Variants in CDH20 observed in about 807,000 individuals in gnomAD.
CDH20 encodes the protein cadherin-20.
CDH20 carries 29 observed loss-of-function variants against 74.2 expected under a neutral mutation model. That is an observed-to-expected ratio of 0.39 (90% CI 0.29 to 0.53). The LOEUF (loss-of-function observed/expected upper bound fraction) is 0.53. Ranked by LOEUF, CDH20 falls within the 20% of genes least tolerant of loss-of-function variation. The pLI, the probability that CDH20 is intolerant of heterozygous loss-of-function variation, is 0.69. For synonymous variants in CDH20, 469 were observed against 405.4 expected (o/e 1.16, Z -1.88); for missense variants, 988 against 1,048.3 (o/e 0.94, Z 0.79).
At chr18:61,465,804 GA>G (rs1909941425) in intron 1 of CDH20, among the ~76,000 whole-genome samples, 1 of 151,946 alleles carries the variant, frequency 6.6e-6, no homozygotes, top group Non-Finnish European at 1.5e-5. Flanking sequence ...GACCCACCAA[GA>G]TATGGAATCT....
chr18:61,436,115 T>A (rs139989852), intron 1 of CDH20, among the ~76,000 whole-genome samples: 1 of 152,334 alleles, frequency 6.6e-6, no homozygotes, highest in East Asian at 1.9e-4. Context: ...TTATTTTCAT[T>A]TCTGAATAAT....
At chr18:61,518,113 G>A (rs1430037600) in intron 6 of CDH20, among the ~76,000 whole-genome samples, 1 of 152,136 alleles carries the variant, frequency 6.6e-6, no homozygotes, top group Non-Finnish European at 1.5e-5. Flanking sequence ...AAAGGCAGCA[G>A]CCCCAGTCAG....
chr18:61,554,748 T>C lies in CDH20; in HGVS notation c.*53T>C. ...AAATCCAGACGTTCTCCGCGGGTGC[T>C]TCGCGGACAAGGTGCAGCCAACCAC... On this transcript the variant is annotated 3_prime_UTR_variant, in exon 12 of 12. Coordinates refer to ENST00000262717, the MANE Select transcript of CDH20 (RefSeq NM_031891.4). 2 of 1,483,880 alleles carry C rather than the reference T, an allele frequency of 1.3e-6. No homozygotes were observed. The highest frequency in any genetic ancestry group is 2.5e-5 in the East Asian group (1 of 40,674). The allele number at this position is 1,483,880 out of a possible 1,614,324, so 91.9% of individuals were successfully genotyped here.
At chr18:61,357,321 T>A (rs1042091048) in intron 1 of CDH20, among the ~76,000 whole-genome samples, 5 of 152,196 alleles carry the variant, frequency 3.3e-5, no homozygotes, top group Admixed American at 6.5e-5. Context: ...CAGAAACCCA[T>A]CTATAATGGC....
chr18:61,357,319 C>T (rs9965819), intron 1 of CDH20, among the ~76,000 whole-genome samples: 13,198 of 152,204 alleles, frequency 0.087, 735 homozygotes, highest in African/African-American at 0.16. Flanking sequence ...ATCAGAAACC[C>T]ATCTATAATG....
chr18:61,479,245 ACTTATAATAAAAGGAAAAACCATCCC>A (rs1910503328), intron 1 of CDH20, among the ~76,000 whole-genome samples: 1 of 152,144 alleles, frequency 6.6e-6, no homozygotes, highest in African/African-American at 2.4e-5. Flanking sequence ...GCTCTGAAAG[ACTTATAATAAAAGGAAAAACCATCCC>A]CTGCTCCAAC....
chr18:61,506,317 T>C (rs1437953843), intron 5 of CDH20, among the ~76,000 whole-genome samples: 1 of 152,222 alleles, frequency 6.6e-6, no homozygotes, highest in African/African-American at 2.4e-5. Context: ...GCCAGCTTAG[T>C]ACAAACTTTA....
intron 1 of CDH20, among the ~76,000 whole-genome samples, chr18:61,389,757 G>A (rs750315951): frequency 1.1e-4 from 17 of 152,042 alleles, no homozygotes; most frequent in Non-Finnish European, 2.2e-4. Flanking sequence ...TAATCTGCTT[G>A]TACCTGGGCC....
intron 7 of CDH20, among the ~76,000 whole-genome samples, 159 bp from the exon 8 acceptor site, chr18:61,536,334 G>A (rs886380645): frequency 6.6e-6 from 1 of 152,114 alleles, no homozygotes; most frequent in Non-Finnish European, 1.5e-5. Flanking sequence ...GGTGACTTTT[G>A]TTTCTGAACA....
At chr18:61,517,919 T>C (rs1426353877) in intron 6 of CDH20, among the ~76,000 whole-genome samples, 1 of 152,102 alleles carries the variant, frequency 6.6e-6, no homozygotes, top group East Asian at 1.9e-4. Flanking sequence ...CCTGGGACAC[T>C]GGAGCTTGGT....
chr18:61,550,276 AC>A, intron 11 of CDH20, 47 bp downstream of exon 11: 1 of 1,584,376 alleles, frequency 6.3e-7, no homozygotes, highest in Non-Finnish European at 8.6e-7. Flanking sequence ...GCCAGTGCGC[AC>A]TCAGACATTT....
At chr18:61,474,733 G>C (rs980429372) in intron 1 of CDH20, among the ~76,000 whole-genome samples, 3 of 152,140 alleles carry the variant, frequency 2.0e-5, no homozygotes, top group African/African-American at 7.2e-5. Flanking sequence ...TGTCCTCAGA[G>C]AATTTGCAGG....
intron 1 of CDH20, among the ~76,000 whole-genome samples, chr18:61,348,518 A>G (rs1910207000): frequency 6.6e-6 from 1 of 152,180 alleles, no homozygotes; most frequent in Admixed American, 6.5e-5. Flanking sequence ...AGAGTTCTCC[A>G]TTCTGAATGG....
chr18:61,475,735 A>T (rs1238253389), intron 1 of CDH20, among the ~76,000 whole-genome samples: 1 of 152,184 alleles, frequency 6.6e-6, no homozygotes, highest in Non-Finnish European at 1.5e-5. Context: ...ATAATTCTCC[A>T]CTAAGTACTG....
Position 61,554,864 on chromosome 18 carries a change from A to C in CDH20, c.*169A>C. 4.3e-6 allele frequency: 6 copies of C among 1,404,380 alleles called. No individual in the cohort carries two copies. In the South Asian group the frequency reaches 1.0e-4, roughly 24 times the overall value. 87.0% of individuals were successfully genotyped at this position (1,404,380 alleles called of 1,614,324 possible). The stretch of plus-strand genomic sequence containing the variant: ...AGCTTTACTTGGGTAGATTAAGTTA[A>C]ATAAGCAAAAGGAAACCCAGAAGGA... On this transcript the variant is annotated 3_prime_UTR_variant, in exon 12 of 12. Transcript: ENST00000262717.
chr18:61,550,498 G>C (rs945118883), intron 11 of CDH20, among the ~76,000 whole-genome samples: 2 of 152,242 alleles, frequency 1.3e-5, no homozygotes, highest in Admixed American at 6.5e-5. Context: ...TAATAAAACA[G>C]ACAAGTCCTG....
intron 1 of CDH20, among the ~76,000 whole-genome samples, chr18:61,362,048 C>T (rs1457561070): frequency 6.6e-6 from 1 of 152,018 alleles, no homozygotes; most frequent in Non-Finnish European, 1.5e-5. Flanking sequence ...AGTGAATCAC[C>T]CAGGGTCACA....
chr18:61,368,633 A>C (rs1910935062), intron 1 of CDH20, among the ~76,000 whole-genome samples: 1 of 152,110 alleles, frequency 6.6e-6, no homozygotes, highest in East Asian at 1.9e-4. Flanking sequence ...GTTGAAAAAA[A>C]CTGTATGGTG....
At chr18:61,447,560 G>T (rs1258602568) in intron 1 of CDH20, among the ~76,000 whole-genome samples, 1 of 152,180 alleles carries the variant, frequency 6.6e-6, no homozygotes, top group Non-Finnish European at 1.5e-5. Context: ...AGAATTTCAG[G>T]AGAAAAGGGA....
Sources: gnomAD v4.1 joint callset for allele counts (sites outside exome capture counted in the v4.1 genomes callset) on GRCh38, gnomAD v4.1.1 for gene constraint, MANE v1.5 for transcripts, NCBI Gene and HGNC (gene_info 2026-07-23, HGNC 2026-07-21) for gene names.